The following UMODL1 variants were observed in gnomAD, a reference collection of about 807,000 sequenced individuals.
UMODL1 encodes the protein uromodulin like 1.
UMODL1 carries 128 observed loss-of-function variants against 136.3 expected under a neutral mutation model. The observed-to-expected ratio is 0.94, with a 90% CI of 0.81 to 1.09. UMODL1 has a LOEUF of 1.09. Among genes scored for constraint, UMODL1 ranks in the 50% least tolerant of loss-of-function variants. The pLI, the probability that UMODL1 is intolerant of heterozygous loss-of-function variation, is 0.00. For synonymous variants in UMODL1, 721 were observed against 720.0 expected (o/e 1.00, Z -0.02); for missense variants, 1,766 against 1,725.6 (o/e 1.02, Z -0.41).
chr21:42,123,665 TGTGTGC>T lies in UMODL1; in HGVS notation c.3147+521_3147+526del, dbSNP rs756964241. On this transcript the variant is annotated intron_variant, in intron 17 of 22. Coordinates refer to ENST00000408910, the MANE Select transcript of UMODL1 (RefSeq NM_001004416.3). The surrounding 1 kb of genome is among the most constrained non-coding windows in gnomAD (Gnocchi z 4.4). ...TGTGTGTGCATGTGTATCGCGTGCT[TGTGTGC>T]GTGTGGGTGTGCATGCATGTATGAA... 1.1e-4 allele frequency among the ~76,000 whole-genome samples: 17 copies of T among 151,998 alleles called. No homozygotes were observed. Among genetic ancestry groups the T allele is most frequent in the Non-Finnish European group, 1.8e-4 (12 of 67,980 alleles).
chr21:42,136,553 G>A lies in UMODL1; in HGVS notation c.3776-886G>A, dbSNP rs373928138. Among the ~76,000 whole-genome samples the A allele has an allele frequency of 1.9e-3, 283 of 152,240 alleles. 1 individual carries two copies. Among genetic ancestry groups the A allele is most frequent in the Middle Eastern group, 6.8e-3 (2 of 294 alleles). Reference sequence around the variant, plus strand: ...TGGGTCAGCGCTTTACTCCTTTCACGGTTGGGTCATGTTCCATTGCACGGT... The same window carrying A: ...TGGGTCAGCGCTTTACTCCTTTCACAGTTGGGTCATGTTCCATTGCACGGT... On this transcript the variant is annotated intron_variant, in intron 21 of 22. Transcript: ENST00000408910.
chr21:42,131,994 C>A (rs1169386676), intron 21 of UMODL1, among the ~76,000 whole-genome samples: 1 of 152,204 alleles, frequency 6.6e-6, no homozygotes, highest in Non-Finnish European at 1.5e-5. Context: ...TCATTGATAT[C>A]ATAGGGAATG....
intron 3 of UMODL1, among the ~76,000 whole-genome samples, chr21:42,084,646 G>T (rs973590639): frequency 1.3e-5 from 2 of 152,022 alleles, no homozygotes; most frequent in Admixed American, 1.3e-4. Context: ...TCAGATATGC[G>T]CCTGCTGGTC....
At chr21:42,137,083 C>T (rs2067214567) in intron 21 of UMODL1, among the ~76,000 whole-genome samples, 1 of 152,200 alleles carries the variant, frequency 6.6e-6, no homozygotes, top group Non-Finnish European at 1.5e-5. Context: ...AATTGCTCCT[C>T]TGGGTCTGGG....
upstream of UMODL1, among the ~76,000 whole-genome samples, chr21:42,067,110 A>C (rs2066189397): frequency 6.6e-6 from 1 of 151,716 alleles, no homozygotes; most frequent in East Asian, 1.9e-4. Context: ...AGTAGCTGAG[A>C]TTATAGGCAT....
Position 42,090,343 on chromosome 21 carries a change from G to C in UMODL1, c.836G>C (p.Arg279Thr). Residue 279 changes from arginine to threonine, a missense_variant, in exon 6 of 23, where the codon AGG (arginine) becomes ACG (threonine). By Grantham distance (71) the Arg-to-Thr change is moderately conservative. Coordinates refer to ENST00000408910, the MANE Select transcript of UMODL1 (RefSeq NM_001004416.3). ...GAGGAGCTCAATGCCTGCTCTGGAA[G>C]GGAACTGTGCGCAAACCTGGAGGGC... ...FYEELNACSG[R>T]ELCANLEGSY... The C allele has an allele frequency of 6.2e-7, 1 of 1,614,164 alleles. No individual in the cohort carries two copies. The highest frequency in any genetic ancestry group is 8.5e-7 in the Non-Finnish European group (1 of 1,180,028).
chr21:42,106,670 C>T (rs922923869), intron 9 of UMODL1, among the ~76,000 whole-genome samples: 20 of 152,320 alleles, frequency 1.3e-4, no homozygotes, highest in African/African-American at 4.8e-4. Flanking sequence ...GAGGCTGAGC[C>T]GCCCCCCGCG....
At chr21:42,128,177 T>C in intron 20 of UMODL1, 1 of 369,220 alleles carries the variant, frequency 2.7e-6, no homozygotes, top group Admixed American at 4.0e-5. Context: ...ATTTTTTAAA[T>C]ATTATTTTTA....
At chr21:42,139,148 C>T (rs1052179570) in intron 22 of UMODL1, among the ~76,000 whole-genome samples, 2 of 152,066 alleles carry the variant, frequency 1.3e-5, no homozygotes, top group Non-Finnish European at 2.9e-5. Flanking sequence ...AGAGGGGAAC[C>T]CTGCCTCAAA....
At chr21:42,097,159 A>T (rs12481958) in intron 6 of UMODL1, among the ~76,000 whole-genome samples, 1 of 152,152 alleles carries the variant, frequency 6.6e-6, no homozygotes, top group African/African-American at 2.4e-5. Context: ...GCCGAAAATC[A>T]CTGGACAATC....
chr21:42,114,054 G>A (rs971035184), intron 13 of UMODL1, among the ~76,000 whole-genome samples: 9 of 152,246 alleles, frequency 5.9e-5, no homozygotes, highest in African/African-American at 1.9e-4. Context: ...TATGGAGGCG[G>A]CAGCAGAGTG....
Position 42,076,039 on chromosome 21 carries a change from C to T in UMODL1, c.111C>T (p.Cys37=). The T allele has an allele frequency of 6.2e-7, 1 of 1,614,226 alleles. No individual in the cohort carries two copies. The highest frequency in any genetic ancestry group is 1.1e-5 in the South Asian group (1 of 91,090). ...KGLSLLGYQL[C]SHRVTHTVQK... ...TCTCCCTGTTGGGCTACCAGCTATG[C>T]AGCCACCGTGTGACCCACACTGTAC... The change falls in exon 2 of 23, where the codon TGC becomes TGT. Residue 37 remains cysteine, a synonymous_variant. Transcript: ENST00000408910.
chr21:42,096,778 G>A (rs1292163159), intron 6 of UMODL1, among the ~76,000 whole-genome samples: 1 of 152,190 alleles, frequency 6.6e-6, no homozygotes, highest in African/African-American at 2.4e-5. Context: ...AGGGCGTTTT[G>A]CTGTCACACC....
chr21:42,127,363 G>T, intron 19 of UMODL1, 121 bp downstream of exon 19: 1 of 996,462 alleles, frequency 1.0e-6, no homozygotes, highest in Non-Finnish European at 1.6e-6. Flanking sequence ...TTAACAATAG[G>T]TAGGGCTCAG....
intron 3 of UMODL1, among the ~76,000 whole-genome samples, chr21:42,084,832 T>TTA (rs1569145140): frequency 2.0e-5 from 3 of 150,042 alleles, no homozygotes; most frequent in Admixed American, 1.3e-4. Context: ...TCAGATATTA[T>TTA]GATAATACTA....
At chr21:42,126,985 G>A (rs772844261) in intron 18 of UMODL1, 21 bp from the exon 19 acceptor site, 4 of 1,604,732 alleles carry the variant, frequency 2.5e-6, no homozygotes, top group Admixed American at 3.3e-5. Context: ...CATGCCTCCT[G>A]CAAGCTGCTT....
rs763508006 is a variant in UMODL1 at position 42,111,018 on chromosome 21, C to T, written c.1796C>T (p.Pro599Leu). The change falls in exon 11 of 23, where the codon CCG becomes CTG. Residue 599 changes from proline (P) to leucine (L), a missense_variant. Physicochemically the swap from Pro to Leu is moderately conservative, Grantham distance 98. Coordinates refer to ENST00000408910, the MANE Select transcript of UMODL1 (RefSeq NM_001004416.3). ...AGTCCTGGGTACCCTCAGGGCACCCCGGCAGCAGGCCAGGCCTGGACCCCA... is the reference window on the plus strand; with the variant it reads ...AGTCCTGGGTACCCTCAGGGCACCCTGGCAGCAGGCCAGGCCTGGACCCCA... ...SPSPGYPQGT[P>L]AAGQAWTPEP... 30 of 1,612,706 alleles carry T rather than the reference C, an allele frequency of 1.9e-5. No individual in the cohort carries two copies. The highest frequency in any genetic ancestry group is 1.5e-4 in the South Asian group (14 of 90,826).
At chr21:42,127,921 C>T (rs117212334) in intron 20 of UMODL1, 90 bp downstream of exon 20, 52,858 of 1,565,082 alleles carry the variant, frequency 0.034, 1,070 homozygotes, top group Non-Finnish European at 0.038. Context: ...ACCTAGGGCT[C>T]GAGTGGCTCG....
intron 22 of UMODL1, among the ~76,000 whole-genome samples, chr21:42,139,814 G>T (rs1228200374): frequency 6.6e-6 from 1 of 152,176 alleles, no homozygotes; most frequent in Admixed American, 6.5e-5. Context: ...TGCTGTAAGG[G>T]TCCTGAGACC....
Sources: gnomAD v4.1 joint callset for allele counts (sites outside exome capture counted in the v4.1 genomes callset) on GRCh38, gnomAD v4.1.1 for gene constraint, Gnocchi (gnomAD v3.1) non-coding constraint, MANE v1.5 for transcripts, NCBI Gene and HGNC (gene_info 2026-07-23, HGNC 2026-07-21) for gene names.